RBFOX1: variants seen among roughly 807,000 people sequenced by gnomAD.
RBFOX1 encodes the protein RNA binding protein fox-1 homolog 1.
In RBFOX1, 8 loss-of-function variants were observed where a neutral mutation model predicts 57.7. The observed-to-expected ratio is 0.14, with a 90% CI of 0.08 to 0.25. RBFOX1 has a LOEUF of 0.25. Ranked by LOEUF, RBFOX1 falls within the 10% of genes least tolerant of loss-of-function variation. The pLI is 1.00. For missense variants in RBFOX1, 611 were observed against 548.5 expected (o/e 1.11, Z -1.14); for synonymous variants, 326 against 222.4 (o/e 1.47, Z -4.15).
intron 2 of RBFOX1, among the ~76,000 whole-genome samples, chr16:6,460,169 G>C (rs960221545): frequency 1.3e-5 from 2 of 151,986 alleles, no homozygotes; most frequent in African/African-American, 2.4e-5. Context: ...CTGGAGGCTG[G>C]ACATCCAAGA....
At chr16:7,075,903 A>T (rs2058205783) in intron 4 of RBFOX1, among the ~76,000 whole-genome samples, 2 of 151,956 alleles carry the variant, frequency 1.3e-5, no homozygotes, top group Admixed American at 6.6e-5. Context: ...CAACATGTAA[A>T]CAATTTCCTG....
At chr16:7,582,327 T>C (rs2093835695) in intron 6 of RBFOX1, among the ~76,000 whole-genome samples, 1 of 152,146 alleles carries the variant, frequency 6.6e-6, no homozygotes, top group Non-Finnish European at 1.5e-5. Flanking sequence ...AGCATCTGTG[T>C]CCCTTTTTTT....
At chr16:6,417,499 CCTGCCT>C (rs959925294) in intron 2 of RBFOX1, among the ~76,000 whole-genome samples, 3 of 143,554 alleles carry the variant, frequency 2.1e-5, no homozygotes, top group Non-Finnish European at 4.5e-5. Flanking sequence ...AAGCAATTCT[CCTGCCT>C]CAGCCTCCCG....
intron 1 of RBFOX1, among the ~76,000 whole-genome samples, chr16:6,099,967 C>G (rs1228428818): frequency 2.6e-5 from 4 of 152,174 alleles, no homozygotes. Flanking sequence ...GTAACAGCCT[C>G]ATTCTGAATC....
chr16:7,106,365 A>T (rs1349410710), intron 4 of RBFOX1, among the ~76,000 whole-genome samples: 2 of 152,182 alleles, frequency 1.3e-5, no homozygotes, highest in Non-Finnish European at 1.5e-5. Context: ...GAGAATTGGC[A>T]AATGGAGTCA....
chr16:7,164,820 T>G (rs1226177002), intron 4 of RBFOX1, among the ~76,000 whole-genome samples: 1 of 152,230 alleles, frequency 6.6e-6, no homozygotes, highest in Non-Finnish European at 1.5e-5. Flanking sequence ...TTAAAAACAT[T>G]GCTGTTGTAC....
chr16:5,934,491 G>T (rs909459673), intron 4 of RBFOX1, among the ~76,000 whole-genome samples: 1 of 152,186 alleles, frequency 6.6e-6, no homozygotes, highest in Non-Finnish European at 1.5e-5. Context: ...AGACATCAGA[G>T]TGAAGCCAAG....
At chr16:6,366,085 A>ACGTGTG (rs1307236635) in intron 2 of RBFOX1, among the ~76,000 whole-genome samples, 4,613 of 144,390 alleles carry the variant, frequency 0.032, 274 homozygotes, top group African/African-American at 0.11. Context: ...TGGCCATTCT[A>ACGTGTG]TGTGTGTGTG....
chr16:7,626,261 C>T (rs935143065), intron 10 of RBFOX1, among the ~76,000 whole-genome samples: 2 of 152,194 alleles, frequency 1.3e-5, no homozygotes, highest in Non-Finnish European at 2.9e-5. Flanking sequence ...TGATGGGAAA[C>T]ATCCCTTCTA....
At chr16:6,314,127 C>G (rs554055521) in intron 1 of RBFOX1, among the ~76,000 whole-genome samples, 42 of 152,190 alleles carry the variant, frequency 2.8e-4, no homozygotes, top group African/African-American at 9.4e-4. Flanking sequence ...ACGGTAGCAC[C>G]AAAGAAGGCC....
intron 1 of RBFOX1, among the ~76,000 whole-genome samples, chr16:6,139,855 A>C (rs978728160): frequency 6.6e-6 from 1 of 152,192 alleles, no homozygotes; most frequent in Non-Finnish European, 1.5e-5. Flanking sequence ...AGGAGGAAGG[A>C]AGCAGAAAAG....
chr16:5,536,129 A>G (rs2044687882), intron 2 of RBFOX1, among the ~76,000 whole-genome samples: 2 of 137,662 alleles, frequency 1.5e-5, no homozygotes, highest in Admixed American at 7.6e-5. Context: ...TTTATTTAAC[A>G]GTTCTTACCT....
intron 6 of RBFOX1, among the ~76,000 whole-genome samples, chr16:7,584,157 C>T (rs904685862): frequency 6.6e-6 from 1 of 152,118 alleles, no homozygotes; most frequent in African/African-American, 2.4e-5. Flanking sequence ...TTGAACTAAC[C>T]TTTACTTTTA....
intron 4 of RBFOX1, among the ~76,000 whole-genome samples, chr16:7,200,693 A>G (rs2088144173): frequency 1.3e-5 from 2 of 152,202 alleles, no homozygotes; most frequent in Admixed American, 6.5e-5. Flanking sequence ...AAATTAAAGG[A>G]TAATAATGCT....
At chr16:7,644,278 G>A (rs1167310863) in intron 11 of RBFOX1, among the ~76,000 whole-genome samples, 12 of 152,156 alleles carry the variant, frequency 7.9e-5, no homozygotes, top group Non-Finnish European at 1.3e-4. Context: ...TTTGTGAGGC[G>A]TTAGTGGGTT....
At chr16:7,390,148 G>T in intron 4 of RBFOX1, among the ~76,000 whole-genome samples, 1 of 152,204 alleles carries the variant, frequency 6.6e-6, no homozygotes, top group East Asian at 1.9e-4. Context: ...CAGCTCTTGT[G>T]AAAACTCTAT....
Position 6,401,838 on chromosome 16 carries a change from C to T in RBFOX1, c.-64+84781C>T, listed in dbSNP as rs531585409. ...TGGGCAGCTATTGCATTTATGGGAT[C>T]CATTTTATATGTATCTAGTAAATCC... On this transcript the variant is annotated intron_variant, in intron 2 of 15. Coordinates refer to ENST00000550418, the MANE Select transcript of RBFOX1 (RefSeq NM_018723.4). Among the ~76,000 whole-genome samples, 156 of 151,572 alleles carry T rather than the reference C, an allele frequency of 1.0e-3. 1 individual carries two copies. The highest frequency in any genetic ancestry group is 3.4e-3 in the Middle Eastern group (1 of 294).
At position 7,242,647 on chromosome 16, in the gene RBFOX1, C is replaced by G. The variant is rs574565099; in HGVS notation, c.27+190549C>G. On this transcript the variant is annotated intron_variant, in intron 4 of 15. Transcript: ENST00000550418. ...AGCTGCAGGATGCTCAGCATGCAGT[C>G]AATTCAGTCCAACATCCGTGCTTCG... is the stretch of plus-strand genomic sequence containing the variant. Among the ~76,000 whole-genome samples the G allele has an allele frequency of 1.3e-5, 2 of 152,294 alleles. 1 individual carries two copies. The highest frequency in any genetic ancestry group is 4.1e-4 in the South Asian group (2 of 4,822).
chr16:5,952,271 C>T (rs948243496), intron 4 of RBFOX1, among the ~76,000 whole-genome samples: 3 of 151,974 alleles, frequency 2.0e-5, no homozygotes, highest in African/African-American at 4.8e-5. Flanking sequence ...CTGCCTCAGC[C>T]TCCTGAGTAG....
Sources: allele counts gnomAD v4.1 joint callset (sites outside exome capture counted in the v4.1 genomes callset), GRCh38; gene constraint gnomAD v4.1.1; transcripts MANE v1.5; gene names NCBI Gene and HGNC (gene_info 2026-07-23, HGNC 2026-07-21).